ZZZ3: variants seen among roughly 807,000 people sequenced by gnomAD.
ZZZ3 encodes the protein zinc finger ZZ-type containing 3, also known as ZZ-type zinc finger-containing protein 3.
In ZZZ3, 22 loss-of-function variants were observed where a neutral mutation model predicts 95.2. That is an observed-to-expected ratio of 0.23 (90% CI 0.17 to 0.33). ZZZ3 has a LOEUF of 0.33. ZZZ3 is among the 10% of genes least tolerant of loss of function. The pLI is 1.00. For synonymous variants in ZZZ3, 335 were observed against 358.9 expected (o/e 0.93, Z 0.75); for missense variants, 885 against 1,066.5 (o/e 0.83, Z 2.37).
intron 1 of ZZZ3, among the ~76,000 whole-genome samples, chr1:77,664,974 A>G (rs774719345): frequency 1.1e-4 from 17 of 152,204 alleles, no homozygotes; most frequent in Admixed American, 3.9e-4. Context: ...GTCTTCTGGC[A>G]TACTTTTTGT....
At chr1:77,651,694 T>G (rs1437347525) in intron 1 of ZZZ3, among the ~76,000 whole-genome samples, 1 of 152,140 alleles carries the variant, frequency 6.6e-6, no homozygotes, top group Non-Finnish European at 1.5e-5. Context: ...GAGACTATAT[T>G]TAATGCCACT....
At chr1:77,640,950 A>G (rs1261769025) in intron 3 of ZZZ3, 1 of 152,256 alleles carries the variant, frequency 6.6e-6, no homozygotes, top group South Asian at 2.1e-4. Context: ...TTTAAAAAGC[A>G]CAAGGTAGGA....
At chr1:77,569,287 A>G (rs535022564) in intron 12 of ZZZ3, among the ~76,000 whole-genome samples, 52 of 145,032 alleles carry the variant, frequency 3.6e-4, no homozygotes, top group Non-Finnish European at 6.3e-4. Flanking sequence ...CAGTGAGCCA[A>G]GACTGTGCCA....
chr1:77,649,091 C>A (rs1669565058), intron 1 of ZZZ3, among the ~76,000 whole-genome samples: 1 of 152,088 alleles, frequency 6.6e-6, no homozygotes. Context: ...TGCACCACTT[C>A]ACTCCAGCCT....
intron 1 of ZZZ3, among the ~76,000 whole-genome samples, chr1:77,673,142 A>C (rs993684954): frequency 6.6e-6 from 1 of 152,226 alleles, no homozygotes; most frequent in African/African-American, 2.4e-5. Flanking sequence ...TCACTTAAAA[A>C]GGAAATTAAG....
At chr1:77,652,600 C>A (rs1669906937) in intron 1 of ZZZ3, among the ~76,000 whole-genome samples, 1 of 152,048 alleles carries the variant, frequency 6.6e-6, no homozygotes, top group East Asian at 1.9e-4. Flanking sequence ...TAGGTATACA[C>A]CCAAAAATAA....
intron 5 of ZZZ3, among the ~76,000 whole-genome samples, chr1:77,592,135 A>G (rs1663765608): frequency 6.6e-6 from 1 of 152,128 alleles, no homozygotes. Flanking sequence ...GTGGTCCCCA[A>G]AACCTCAACC....
intron 5 of ZZZ3, among the ~76,000 whole-genome samples, chr1:77,621,519 A>C (rs1373271655): frequency 6.7e-6 from 1 of 149,606 alleles, no homozygotes; most frequent in African/African-American, 2.4e-5. Flanking sequence ...TTTAAGTTAA[A>C]AAAAAAAAAA....
intron 8 of ZZZ3, among the ~76,000 whole-genome samples, chr1:77,581,336 G>A (rs2100554771): frequency 6.6e-6 from 1 of 152,176 alleles, no homozygotes; most frequent in South Asian, 2.1e-4. Context: ...GGAAATGTGG[G>A]CTCAGAATTG....
At chr1:77,671,048 C>T (rs1337485749) in intron 1 of ZZZ3, among the ~76,000 whole-genome samples, 1 of 149,616 alleles carries the variant, frequency 6.7e-6, no homozygotes, top group African/African-American at 2.5e-5. Context: ...AAAAAAAAAA[C>T]TTCTGTGAGG....
chr1:77,632,970 T>G lies in ZZZ3; in HGVS notation c.385A>C (p.Asn129His), dbSNP rs753215463. Reference protein sequence around the residue: ...IKRCLRSEAPNSSEEDSPIKS... With the variant: ...IKRCLRSEAPHSSEEDSPIKS... ...ATAGGAGAATCTTCTTCTGAACTGT[T>G]TGGTGCTTCAGATCTAAGACAACGC... The change falls in exon 5 of 15, where the codon AAC becomes CAC. Residue 129 changes from asparagine (N) to histidine (H), a missense_variant. Physicochemically the swap from Asn to His is moderately conservative, Grantham distance 68 (BLOSUM62 1). This residue lies in a region of ZZZ3 where 556 missense variants were observed against 652.9 expected (regional missense o/e 0.85). Coordinates refer to ENST00000370801, the MANE Select transcript of ZZZ3 (RefSeq NM_015534.6). The G allele has an allele frequency of 7.4e-6, 12 of 1,614,034 alleles. No individual in the cohort carries two copies. Among genetic ancestry groups the G allele is most frequent in the African/African-American group, 1.3e-5 (1 of 74,946 alleles).
chr1:77,639,393 AAG>A (rs2100891204), intron 4 of ZZZ3, 54 bp downstream of exon 4: 65 of 1,408,016 alleles, frequency 4.6e-5, no homozygotes, highest in South Asian at 3.9e-4. Context: ...AAAAAAAAAA[AAG>A]AAGAAGAAGT....
upstream of ZZZ3, among the ~76,000 whole-genome samples, chr1:77,682,967 G>T (rs1281990450): frequency 2.0e-5 from 3 of 152,048 alleles, no homozygotes; most frequent in Admixed American, 6.5e-5. Flanking sequence ...AAACATTTTC[G>T]GCGTGCCCGT....
At position 77,581,868 on chromosome 1, in the gene ZZZ3, T is replaced by G; in HGVS notation, c.1816A>C (p.Ser606Arg). 6.2e-7 allele frequency: 1 copy of G among 1,613,768 alleles called. No homozygotes were observed. The highest frequency in any genetic ancestry group is 8.5e-7 in the Non-Finnish European group (1 of 1,179,770). Residue 606 changes from serine (S) to arginine (R), a missense_variant, in exon 8 of 15, where the codon AGT becomes CGT. This residue lies in a region of ZZZ3 where 99 missense variants were observed against 119.8 expected (regional missense o/e 0.83). Coordinates refer to ENST00000370801, the MANE Select transcript of ZZZ3 (RefSeq NM_015534.6). ...CCATCCTTCTTAGGATCTAAAGGAC[T>G]TTTTGGTCTAGCAGGTAAACCTACT... ...DKVGLPARPK[S>R]PLDPKKDGES...
chr1:77,588,647 A>C (rs570418046), intron 5 of ZZZ3, among the ~76,000 whole-genome samples: 23 of 152,320 alleles, frequency 1.5e-4, no homozygotes, highest in Non-Finnish European at 2.9e-5. Flanking sequence ...GAAACTCTTT[A>C]ATTCCAATAA....
chr1:77,570,170 T>C (rs890043478), intron 12 of ZZZ3, among the ~76,000 whole-genome samples: 1 of 152,104 alleles, frequency 6.6e-6, no homozygotes, highest in African/African-American at 2.4e-5. Context: ...TGGCGCGATC[T>C]TGGCTCACTG....
At chr1:77,604,525 A>T (rs2100693351) in intron 5 of ZZZ3, among the ~76,000 whole-genome samples, 1 of 152,360 alleles carries the variant, frequency 6.6e-6, no homozygotes, top group East Asian at 1.9e-4. Flanking sequence ...AAGAATTACC[A>T]GCATCATCTA....
intron 5 of ZZZ3, among the ~76,000 whole-genome samples, chr1:77,619,432 A>G (rs1191253914): frequency 3.9e-5 from 6 of 152,178 alleles, no homozygotes; most frequent in Admixed American, 3.9e-4. Context: ...CTTTAATAGA[A>G]CAGACACACA....
chr1:77,648,265 C>G (rs890286472), intron 1 of ZZZ3, among the ~76,000 whole-genome samples: 2 of 149,232 alleles, frequency 1.3e-5, no homozygotes, highest in Non-Finnish European at 3.0e-5. Flanking sequence ...GGGAGTTTTG[C>G]TTGAACCCAG....
Sources: gnomAD v4.1 joint callset for allele counts (sites outside exome capture counted in the v4.1 genomes callset) on GRCh38, gnomAD v4.1.1 for gene constraint, gnomAD v4.1.1 regional missense constraint, MANE v1.5 for transcripts, NCBI Gene and HGNC (gene_info 2026-07-23, HGNC 2026-07-21) for gene names.